Variants in RBM43 observed in about 807,000 individuals in gnomAD.
RBM43 encodes the protein RNA binding motif protein 43.
RBM43 carries 12 observed loss-of-function variants against 12.4 expected under a neutral mutation model. The ratio of observed to expected loss-of-function variants is 0.97; its 90% CI spans 0.62 to 1.57. The LOEUF (loss-of-function observed/expected upper bound fraction) is 1.57, where lower values mean the gene tolerates loss of function less well. Among genes scored for constraint, RBM43 ranks in the 40% most tolerant of loss-of-function variants. The probability of loss-of-function intolerance (pLI) is 0.00; values close to 1 mark genes in which losing one functional copy is unlikely to be tolerated. For synonymous variants in RBM43, 138 were observed against 145.7 expected (o/e 0.95, Z 0.38); for missense variants, 348 against 400.1 (o/e 0.87, Z 1.11).
At chr2:151,261,480 G>A (rs533868794) in intron 1 of RBM43, 28 of 1,550,432 alleles carry the variant, frequency 1.8e-5, no homozygotes, top group Non-Finnish European at 2.2e-5. Context: ...ACCGCCGTAC[G>A]TGAATTTCAG....
At position 151,249,806 on chromosome 2, in the gene RBM43, A is replaced by AGCTATAGACAAAACTG. The variant is rs1251134534; in HGVS notation, c.*1084_*1099dup. 13 of 152,244 alleles carry AGCTATAGACAAAACTG rather than the reference A, an allele frequency of 8.5e-5. No individual in the cohort carries two copies. The highest frequency in any genetic ancestry group is 2.7e-4 in the African/African-American group (11 of 41,466). 9.4% of individuals were successfully genotyped at this position (152,244 alleles called of 1,614,324 possible). ...TAGAGTTACAGCAAGTTATCTCAGC[A>AGCTATAGACAAAACTG]GCTATAGACAAAACTGGTCTCAGGT... is the stretch of plus-strand genomic sequence containing the variant. On this transcript the variant is annotated 3_prime_UTR_variant, in exon 4 of 4. Transcript: ENST00000331426.
At position 151,251,623 on chromosome 2, in the gene RBM43, A is replaced by C; in HGVS notation, c.357T>G (p.Phe119Leu). 6.2e-7 allele frequency: 1 copy of C among 1,612,486 alleles called. No individual in the cohort carries two copies. Among genetic ancestry groups the C allele is most frequent in the Non-Finnish European group, 8.5e-7 (1 of 1,179,612 alleles). Residue 119 changes from phenylalanine (F) to leucine (L), a missense_variant, in exon 4 of 4, where the codon TTT becomes TTG. Transcript: ENST00000331426. ...SVNAILDLSVFGKEVTLETLV... is the reference protein window; with the variant it reads ...SVNAILDLSVLGKEVTLETLV... ...GAGTTTCTAGAGTAACTTCTTTTCC[A>C]AAAACAGAAAGATCAAGGATGGCAT...
rs571140768 is a variant in RBM43 at position 151,255,911 on chromosome 2, T to C, written c.4-168A>G. On this transcript the variant is annotated intron_variant, in intron 1 of 3. Transcript: ENST00000331426. ...GAGTAAATCCTTGCCTCACACCATA[T>C]ACCAACATAAACTCTATATGAATTT... 9.2e-5 allele frequency among the ~76,000 whole-genome samples: 14 copies of C among 152,342 alleles called. No individual in the cohort carries two copies. In the East Asian group the frequency reaches 2.3e-3, roughly 25 times the overall value.
intron 2 of RBM43, 117 bp from the exon 3 acceptor site, chr2:151,252,972 C>T (rs182316662): frequency 1.8e-6 from 1 of 543,670 alleles, no homozygotes; most frequent in East Asian, 2.9e-5. Flanking sequence ...TACATTTTTC[C>T]TCTAAATTCA....
intron 1 of RBM43, among the ~76,000 whole-genome samples, chr2:151,258,287 C>A (rs769654734): frequency 6.6e-6 from 1 of 151,764 alleles, no homozygotes; most frequent in Non-Finnish European, 1.5e-5. Context: ...ACATTCCCTA[C>A]CCCCAGTGCA....
intron 2 of RBM43, among the ~76,000 whole-genome samples, chr2:151,255,311 A>G (rs1434690811): frequency 1.3e-5 from 2 of 151,720 alleles, no homozygotes; most frequent in African/African-American, 2.4e-5. Flanking sequence ...CCAGCTATTC[A>G]GGAGGCTGAG....
At chr2:151,255,365 C>T (rs557054392) in intron 2 of RBM43, among the ~76,000 whole-genome samples, 168 bp downstream of exon 2, 1 of 151,938 alleles carries the variant, frequency 6.6e-6, no homozygotes, top group South Asian at 2.1e-4. Flanking sequence ...TTGCAGTGAG[C>T]TGAGATCATG....
chr2:151,261,441 C>G, intron 1 of RBM43: 1 of 1,550,628 alleles, frequency 6.4e-7, no homozygotes, highest in Non-Finnish European at 8.7e-7. Flanking sequence ...ACAGCCTAGT[C>G]CTGAGCCTCT....
At chr2:151,252,358 A>G (rs533699918) in intron 3 of RBM43, among the ~76,000 whole-genome samples, 1 of 152,232 alleles carries the variant, frequency 6.6e-6, no homozygotes, top group East Asian at 1.9e-4. Context: ...CCCTGTCTCT[A>G]CAAAAACTAC....
chr2:151,248,754 C>A lies in RBM43; in HGVS notation c.*2152G>T, dbSNP rs138828797. On this transcript the variant is annotated 3_prime_UTR_variant, in exon 4 of 4. Transcript: ENST00000331426. Reference sequence around the variant, plus strand: ...GCCTTTGAACTTTGAGAGCTCATTTCGTGGGTGCTCTGATTTAATGTCAAC... The same window carrying A: ...GCCTTTGAACTTTGAGAGCTCATTTAGTGGGTGCTCTGATTTAATGTCAAC... 6.6e-6 allele frequency: 1 copy of A among 152,188 alleles called. No individual in the cohort carries two copies. Among genetic ancestry groups the A allele is most frequent in the East Asian group, 1.9e-4 (1 of 5,188 alleles). 9.4% of individuals were successfully genotyped at this position (152,188 alleles called of 1,614,324 possible). A position where few individuals can be genotyped will look rare whatever the true frequency, so the allele number is the denominator to read the frequency against.
At chr2:151,255,369 G>T (rs1390469771) in intron 2 of RBM43, among the ~76,000 whole-genome samples, 164 bp downstream of exon 2, 1 of 151,670 alleles carries the variant, frequency 6.6e-6, no homozygotes, top group East Asian at 1.9e-4. Flanking sequence ...AGTGAGCTGA[G>T]ATCATGCCAC....
Position 151,261,566 on chromosome 2 carries a change from CGGGGCCCCCGGGGTCCCT to C in RBM43, c.3+141_3+158del, listed in dbSNP as rs1237200727. On this transcript the variant is annotated intron_variant, in intron 1 of 3. Coordinates refer to ENST00000331426, the MANE Select transcript of RBM43 (RefSeq NM_198557.3). The stretch of plus-strand genomic sequence containing the variant: ...TTGCCCGCCGGGGTGGACGGCTCTC[CGGGGCCCCCGGGGTCCCT>C]GGGGCCCCTCCGTGCGCCGCCCCCT... 277 of 1,541,164 alleles carry C rather than the reference CGGGGCCCCCGGGGTCCCT, an allele frequency of 1.8e-4. 2 individuals are homozygous for C. In the East Asian group the frequency reaches 6.6e-3, roughly 37 times the overall value.
Position 151,250,948 on chromosome 2 carries a change from A to G in RBM43, c.1032T>C (p.Phe344=), listed in dbSNP as rs548028991. Residue 344 remains phenylalanine, a synonymous_variant, in exon 4 of 4, where the codon TTT becomes TTC. Coordinates refer to ENST00000331426, the MANE Select transcript of RBM43 (RefSeq NM_198557.3). ...CTATTAATTTCATGACCCCTTTTTT[A>G]AACAGGTAAGTGTCAGAAGAAGATC... ...IIGSSSDTYL[F]KKGVMKLIGQ... is the part of the protein sequence containing the mutation. The G allele has an allele frequency of 3.1e-6, 5 of 1,598,884 alleles. No individual in the cohort carries two copies. The South Asian group carries it at 4.5e-5, about 15-fold the overall frequency.
chr2:151,261,675 C>A, intron 1 of RBM43, 50 bp downstream of exon 1: 2 of 1,579,830 alleles, frequency 1.3e-6, no homozygotes, highest in Non-Finnish European at 1.7e-6. Flanking sequence ...ACCATGGCGA[C>A]GGTACAGGCA....
At chr2:151,257,693 CA>C (rs979097552) in intron 1 of RBM43, among the ~76,000 whole-genome samples, 1 of 151,354 alleles carries the variant, frequency 6.6e-6, no homozygotes, top group South Asian at 2.1e-4. Context: ...AACTCCTTCA[CA>C]AAAAAAAGAT....
Position 151,250,938 on chromosome 2 carries a change from C to T in RBM43, c.1042G>A (p.Val348Ile). 1 of 1,598,934 alleles carries T rather than the reference C, an allele frequency of 6.3e-7. No individual in the cohort carries two copies. The highest frequency in any genetic ancestry group is 8.5e-7 in the Non-Finnish European group (1 of 1,172,692). The stretch of plus-strand genomic sequence containing the variant: ...ACCTTTTGCCCTATTAATTTCATGA[C>T]CCCTTTTTTAAACAGGTAAGTGTCA... ...SSDTYLFKKGVMKLIGQKVS is the reference protein window; with the variant it reads ...SSDTYLFKKGIMKLIGQKVS The change falls in exon 4 of 4, where the codon GTC (valine) becomes ATC (isoleucine). Residue 348 changes from valine (V) to isoleucine (I), a missense_variant. Physicochemically the swap from Val to Ile is conservative, Grantham distance 29 (BLOSUM62 3). Coordinates refer to ENST00000331426, the MANE Select transcript of RBM43 (RefSeq NM_198557.3).
chr2:151,252,674 TTG>T (rs1274247012), intron 3 of RBM43, 79 bp downstream of exon 3: 59 of 757,828 alleles, frequency 7.8e-5, no homozygotes, highest in Non-Finnish European at 1.2e-4. Flanking sequence ...TGAGAGCACT[TTG>T]TGTCGCCTGC....
At position 151,249,194 on chromosome 2, in the gene RBM43, C is replaced by G. The variant is rs1387454587; in HGVS notation, c.*1712G>C. 1 of 152,108 alleles carries G rather than the reference C, an allele frequency of 6.6e-6. No homozygotes were observed. The highest frequency in any genetic ancestry group is 1.5e-5 in the Non-Finnish European group (1 of 68,018). 9.4% of individuals were successfully genotyped at this position (152,108 alleles called of 1,614,324 possible). Reference sequence around the variant, plus strand: ...AATGATTCTCCATGAGGTGAGTCAGCTTTGTATCCCACTTCTGACACCATG... The same window carrying G: ...AATGATTCTCCATGAGGTGAGTCAGGTTTGTATCCCACTTCTGACACCATG... On this transcript the variant is annotated 3_prime_UTR_variant, in exon 4 of 4. Coordinates refer to ENST00000331426, the MANE Select transcript of RBM43 (RefSeq NM_198557.3).
chr2:151,252,084 T>C (rs1332011858), intron 3 of RBM43, among the ~76,000 whole-genome samples: 1 of 152,180 alleles, frequency 6.6e-6, no homozygotes, highest in African/African-American at 2.4e-5. Flanking sequence ...TTGCTTTGGA[T>C]TTTAACTTTT....
Sources: allele counts gnomAD v4.1 joint callset (sites outside exome capture counted in the v4.1 genomes callset), GRCh38; gene constraint gnomAD v4.1.1; transcripts MANE v1.5; gene names NCBI Gene and HGNC (gene_info 2026-07-23, HGNC 2026-07-21).